NR6A1: variants seen among roughly 807,000 people sequenced by gnomAD.
The protein encoded by NR6A1 is retinoic acid receptor-related testis-associated receptor.
NR6A1 carries 7 observed loss-of-function variants against 59.1 expected under a neutral mutation model. The ratio of observed to expected loss-of-function variants is 0.12; its 90% confidence interval spans 0.07 to 0.22. The LOEUF is 0.22. Ranked by LOEUF, NR6A1 falls within the 10% of genes least tolerant of loss-of-function variation. The pLI, the probability that NR6A1 is intolerant of heterozygous loss-of-function variation, is 1.00. For missense variants in NR6A1, 468 were observed against 611.6 expected (o/e 0.77, Z 2.48); for synonymous variants, 243 against 236.1 (o/e 1.03, Z -0.27).
intron 2 of NR6A1, among the ~76,000 whole-genome samples, chr9:124,728,528 G>A (rs557736779): frequency 5.3e-5 from 8 of 152,038 alleles, no homozygotes; most frequent in Non-Finnish European, 8.8e-5. Context: ...CCAGCTACTC[G>A]GGAGGCTGAG....
At chr9:124,693,859 G>A (rs1838653571) in intron 2 of NR6A1, 2 of 499,246 alleles carry the variant, frequency 4.0e-6, no homozygotes, top group Non-Finnish European at 8.3e-6. Flanking sequence ...ACTGCTGTGA[G>A]TGGGAGCTGC....
chr9:124,674,598 C>T, intron 2 of NR6A1, among the ~76,000 whole-genome samples: 1 of 152,214 alleles, frequency 6.6e-6, no homozygotes. Flanking sequence ...TAAATATTAA[C>T]TATTATTATC....
rs59874800 is a variant in NR6A1 at position 124,627,882 on chromosome 9, CTTTTTTTTTTT to C, written c.143-73323_143-73313del. Among the ~76,000 whole-genome samples the C allele has an allele frequency of 1.1e-3, 90 of 83,780 alleles. 1 individual carries two copies. Among genetic ancestry groups the C allele is most frequent in the Non-Finnish European group, 1.4e-3 (58 of 42,436 alleles). The allele number at this position is 83,780 out of a possible 152,430, so 55.0% of individuals were successfully genotyped here. A position where few individuals can be genotyped will look rare whatever the true frequency, so the allele number is the denominator to read the frequency against. On this transcript the variant is annotated intron_variant, in intron 2 of 9. Transcript: ENST00000487099. Reference sequence around the variant, plus strand: ...GCCACCATGCCTGGTCTGAGATTTTCTTTTTTTTTTTTTTTTTTTTTTTTTTTTCAAAACAA... The same window carrying C: ...GCCACCATGCCTGGTCTGAGATTTTCTTTTTTTTTTTTTTTTTCAAAACAA...
intron 2 of NR6A1, among the ~76,000 whole-genome samples, chr9:124,703,330 G>T (rs1005632015): frequency 6.8e-6 from 1 of 147,802 alleles, no homozygotes; most frequent in Non-Finnish European, 1.5e-5. Context: ...ATCCCACCTC[G>T]ACCTCCTAAG....
intron 2 of NR6A1, among the ~76,000 whole-genome samples, chr9:124,660,573 G>A (rs1440402610): frequency 6.6e-6 from 1 of 151,180 alleles, no homozygotes; most frequent in East Asian, 1.9e-4. Context: ...CACAAAGCTT[G>A]GAGCTGCAGA....
intron 9 of NR6A1, among the ~76,000 whole-genome samples, chr9:124,524,151 TCTCA>T (rs1832866249): frequency 1.3e-5 from 2 of 152,142 alleles, no homozygotes; most frequent in Admixed American, 1.3e-4. Context: ...AGAGATGAGG[TCTCA>T]CTATGTTGCC....
intron 3 of NR6A1, among the ~76,000 whole-genome samples, chr9:124,550,471 T>A (rs529368299): frequency 9.3e-5 from 14 of 150,806 alleles, no homozygotes; most frequent in African/African-American, 3.2e-4. Context: ...AGGTTTACCT[T>A]AGCCTCCAGA....
chr9:124,552,969 G>C (rs1833819029), intron 3 of NR6A1, among the ~76,000 whole-genome samples: 1 of 152,082 alleles, frequency 6.6e-6, no homozygotes, highest in East Asian at 1.9e-4. Flanking sequence ...AGTTTGAATA[G>C]TTCACTATAT....
chr9:124,651,060 T>C (rs1837087219), intron 2 of NR6A1, among the ~76,000 whole-genome samples: 1 of 152,106 alleles, frequency 6.6e-6, no homozygotes, highest in African/African-American at 2.4e-5. Flanking sequence ...CTAGCTCTTT[T>C]TGTTTTTCTT....
intron 2 of NR6A1, among the ~76,000 whole-genome samples, chr9:124,619,417 C>T (rs1835997559): frequency 6.6e-6 from 1 of 152,124 alleles, no homozygotes; most frequent in Non-Finnish European, 1.5e-5. Context: ...GCGCCTGCCA[C>T]CACACCTGAC....
intron 2 of NR6A1, among the ~76,000 whole-genome samples, chr9:124,681,158 T>C (rs1838142231): frequency 6.6e-6 from 1 of 152,208 alleles, no homozygotes; most frequent in South Asian, 2.1e-4. Context: ...ACTGGAGTTA[T>C]TGTTACGTTG....
intron 2 of NR6A1, among the ~76,000 whole-genome samples, chr9:124,628,637 A>G (rs1588721282): frequency 6.8e-6 from 1 of 146,754 alleles, no homozygotes. Flanking sequence ...CACCACGTCC[A>G]GCCTATTTTT....
At chr9:124,568,482 C>CA (rs201368540) in intron 2 of NR6A1, among the ~76,000 whole-genome samples, 2,837 of 107,440 alleles carry the variant, frequency 0.026, 69 homozygotes, top group East Asian at 0.056. Context: ...GACTCTGTCT[C>CA]AAAAAAAAAA....
At chr9:124,727,325 GT>G (rs1453076471) in intron 2 of NR6A1, among the ~76,000 whole-genome samples, 1 of 152,052 alleles carries the variant, frequency 6.6e-6, no homozygotes, top group African/African-American at 2.4e-5. Context: ...AGTGAAATTT[GT>G]TTTTTTGCCA....
rs138498506 is a variant in NR6A1 at position 124,538,251 on chromosome 9, T to C, written c.665A>G (p.His222Arg). 93 of 1,614,082 alleles carry C rather than the reference T, an allele frequency of 5.8e-5. No homozygotes were observed. The highest frequency in any genetic ancestry group is 7.1e-5 in the Non-Finnish European group (84 of 1,180,048). Residue 222 changes from histidine to arginine, a missense_variant, in exon 6 of 10, where the codon CAT becomes CGT. Coordinates refer to ENST00000487099, the MANE Select transcript of NR6A1 (RefSeq NM_033334.4). ...EQYMGMSVPP[H>R]YQYIPHLFSY... ...AAAAAGGTGCGGTATATATTGGTAA[T>C]GTGGAGGCACAGACATTCCCATGTA...
chr9:124,708,828 C>A (rs1287949319), intron 2 of NR6A1, among the ~76,000 whole-genome samples: 2 of 152,226 alleles, frequency 1.3e-5, no homozygotes, highest in African/African-American at 4.8e-5. Flanking sequence ...CTGAGTGTTA[C>A]AGCTGGCCTT....
chr9:124,611,875 T>G (rs1025791809), intron 2 of NR6A1, among the ~76,000 whole-genome samples: 1 of 151,876 alleles, frequency 6.6e-6, no homozygotes, highest in Non-Finnish European at 1.5e-5. Flanking sequence ...TAGGTCAAGA[T>G]GAATGAGTCA....
In NR6A1 at chr9:124,703,247, C is replaced by T. The variant is rs142441987; in HGVS notation, c.142+30061G>A. ...TTTTTTTTTGAGACAGGATCTCGCT[C>T]TGTCACCCAGCCTGGAGTATAGTGG... is the stretch of plus-strand genomic sequence containing the variant. On this transcript the variant is annotated intron_variant, in intron 2 of 9. Transcript: ENST00000487099. Among the ~76,000 whole-genome samples the T allele has an allele frequency of 4.5e-3, 615 of 136,598 alleles. 3 individuals carry two copies. Among genetic ancestry groups the T allele is most frequent in the African/African-American group, 0.016 (583 of 35,620 alleles). 89.6% of individuals were successfully genotyped at this position (136,598 alleles called of 152,430 possible). A position where few individuals can be genotyped will look rare whatever the true frequency, so the allele number is the denominator to read the frequency against.
In NR6A1 at chr9:124,688,301, G is replaced by A. The variant is rs557813349; in HGVS notation, c.142+45007C>T. Among the ~76,000 whole-genome samples the A allele has an allele frequency of 4.0e-5, 6 of 151,792 alleles. 1 individual carries two copies. Among genetic ancestry groups the A allele is most frequent in the African/African-American group, 7.3e-5 (3 of 41,278 alleles). On this transcript the variant is annotated intron_variant, in intron 2 of 9. Transcript: ENST00000487099. ...GACTGCACCACTGCACCTCAGCCTG[G>A]GCAACACAGCAAGAGACCCTGTCTT...
Sources: allele counts gnomAD v4.1 joint callset (sites outside exome capture counted in the v4.1 genomes callset), GRCh38; gene constraint gnomAD v4.1.1; transcripts MANE v1.5; gene names NCBI Gene and HGNC (gene_info 2026-07-23, HGNC 2026-07-21).